RFTN1: variants seen among roughly 807,000 people sequenced by gnomAD.
RFTN1 encodes raftlin, lipid raft linker 1.
Under a neutral mutation model 46.5 loss-of-function variants are expected in RFTN1, and 26 were observed. The ratio of observed to expected loss-of-function variants is 0.56; its 90% CI spans 0.41 to 0.78. RFTN1 has a LOEUF of 0.78. Ranked by LOEUF, RFTN1 falls within the 30% of genes least tolerant of loss-of-function variation. The pLI is 0.00. For synonymous variants in RFTN1, 261 were observed against 284.2 expected (o/e 0.92, Z 0.82); for missense variants, 693 against 718.7 (o/e 0.96, Z 0.41).
intron 2 of RFTN1, among the ~76,000 whole-genome samples, chr3:16,492,086 A>G (rs965479056): frequency 1.4e-4 from 21 of 152,222 alleles, no homozygotes; most frequent in Non-Finnish European, 2.9e-4. Flanking sequence ...CACAGGGGGA[A>G]GGCATGGTCA....
In RFTN1 at chr3:16,345,837, C is replaced by CGT. The variant is rs1491297712; in HGVS notation, c.1146+12094_1146+12095insAC. On this transcript the variant is annotated intron_variant, in intron 7 of 9. Coordinates refer to ENST00000334133, the MANE Select transcript of RFTN1 (RefSeq NM_015150.2). This position sits in a 1 kb window ranked among gnomAD's most constrained non-coding sequence, Gnocchi z 5.2. The stretch of plus-strand genomic sequence containing the variant: ...GTGTGTGCGCGCGCGCGTGCGCGCA[C>CGT]GCGCACATGTGCATGTGTATGTGTA... Among the ~76,000 whole-genome samples the CGT allele has an allele frequency of 3.7e-4, 11 of 29,706 alleles. 1 individual carries two copies. The highest frequency in any genetic ancestry group is 5.8e-4 in the African/African-American group (3 of 5,202). The allele number at this position is 29,706 out of a possible 152,430, so 19.5% of individuals were successfully genotyped here. A position where few individuals can be genotyped will look rare whatever the true frequency, so the allele number is the denominator to read the frequency against.
chr3:16,510,055 T>A (rs1040905772), intron 1 of RFTN1, among the ~76,000 whole-genome samples: 12 of 152,020 alleles, frequency 7.9e-5, no homozygotes, highest in Non-Finnish European at 1.8e-4. Flanking sequence ...GGGACTAAGT[T>A]ATTAGGGGAC....
intron 2 of RFTN1, among the ~76,000 whole-genome samples, chr3:16,435,136 T>C (rs915386369): frequency 1.3e-5 from 2 of 152,254 alleles, no homozygotes; most frequent in Non-Finnish European, 2.9e-5. Flanking sequence ...ATCAGTATTA[T>C]CTTTTTGTGT....
At position 16,488,100 on chromosome 3, in the gene RFTN1, CTTT is replaced by C. The variant is rs11328637; in HGVS notation, c.145+5622_145+5624del. ...TCAACAGTGTTAACTGTGATCCTGA[CTTT>C]TTTTTTTTTTTTTTTTGAGACGGAG... On this transcript the variant is annotated intron_variant, in intron 2 of 9. Coordinates refer to ENST00000334133, the MANE Select transcript of RFTN1 (RefSeq NM_015150.2). 5.8e-3 allele frequency among the ~76,000 whole-genome samples: 725 copies of C among 125,708 alleles called. 5 individuals are homozygous for C. The highest frequency in any genetic ancestry group is 0.018 in the African/African-American group (612 of 34,860). 82.5% of individuals were successfully genotyped at this position (125,708 alleles called of 152,430 possible). A position where few individuals can be genotyped will look rare whatever the true frequency, so the allele number is the denominator to read the frequency against.
rs543773091 is a variant in RFTN1 at position 16,387,245 on chromosome 3, C to A, written c.442-9143G>T. ...CACAAGGAGGAGGGCTCAAGGTCTC[C>A]CGCCAAGGCTGAGGCCACACGGCCA... On this transcript the variant is annotated intron_variant, in intron 4 of 9. Coordinates refer to ENST00000334133, the MANE Select transcript of RFTN1 (RefSeq NM_015150.2). The surrounding 1 kb of genome is among the most constrained non-coding windows in gnomAD (Gnocchi z 5.2). Among the ~76,000 whole-genome samples the A allele has an allele frequency of 2.4e-4, 36 of 152,234 alleles. No homozygotes were observed. Among genetic ancestry groups the A allele is most frequent in the South Asian group, 6.2e-4 (3 of 4,836 alleles).
At chr3:16,456,410 A>C (rs901619543) in intron 2 of RFTN1, among the ~76,000 whole-genome samples, 2 of 152,210 alleles carry the variant, frequency 1.3e-5, no homozygotes, top group Non-Finnish European at 1.5e-5. Context: ...AGATGAGAGG[A>C]AACTCAAGGA....
chr3:16,414,407 G>A (rs1307119897), intron 3 of RFTN1, among the ~76,000 whole-genome samples: 5 of 151,912 alleles, frequency 3.3e-5, no homozygotes, highest in Non-Finnish European at 7.4e-5. Flanking sequence ...AGGGGTTCGA[G>A]ACCAGCCTGG....
rs1240461915 is a variant in RFTN1, at chr3:16,442,507, T to C, written c.146-8470A>G. On this transcript the variant is annotated intron_variant, in intron 2 of 9. Coordinates refer to ENST00000334133, the MANE Select transcript of RFTN1 (RefSeq NM_015150.2). This position sits in a 1 kb window ranked among gnomAD's most constrained non-coding sequence, Gnocchi z 4.1. ...ACAACATGATGCCTCAATGTATATA[T>C]ACTTAGTTCAAATGATTACTACAGT... Among the ~76,000 whole-genome samples, 3 of 152,316 alleles carry C rather than the reference T, an allele frequency of 2.0e-5. No homozygotes were observed. The highest frequency in any genetic ancestry group is 4.1e-4 in the South Asian group (2 of 4,830).
At chr3:16,482,705 G>A (rs2076387486) in intron 2 of RFTN1, 1 of 1,393,762 alleles carries the variant, frequency 7.2e-7, no homozygotes, top group Non-Finnish European at 9.8e-7. Flanking sequence ...CACATTAGCT[G>A]TTATTACTGT....
At position 16,387,853 on chromosome 3, in the gene RFTN1, T is replaced by TC. The variant is rs888787272; in HGVS notation, c.442-9752dup. ...AGGCTTTTTAGCCCTCACCACCCCA[T>TC]CCTCTCTGGTAGCTCATGCATTCCC... is the stretch of plus-strand genomic sequence containing the variant. On this transcript the variant is annotated intron_variant, in intron 4 of 9. Coordinates refer to ENST00000334133, the MANE Select transcript of RFTN1 (RefSeq NM_015150.2). This position sits in a 1 kb window ranked among gnomAD's most constrained non-coding sequence, Gnocchi z 5.2. Among the ~76,000 whole-genome samples the TC allele has an allele frequency of 6.6e-6, 1 of 151,738 alleles. No individual in the cohort carries two copies. The highest frequency in any genetic ancestry group is 1.5e-5 in the Non-Finnish European group (1 of 67,944).
chr3:16,399,200 AATT>A (rs889184501), intron 4 of RFTN1, among the ~76,000 whole-genome samples: 1 of 152,234 alleles, frequency 6.6e-6, no homozygotes, highest in South Asian at 2.1e-4. Context: ...CTCAATAAAA[AATT>A]ATATTAAGGA....
intron 2 of RFTN1, among the ~76,000 whole-genome samples, chr3:16,461,286 C>A (rs576813691): frequency 2.0e-5 from 3 of 152,156 alleles, no homozygotes; most frequent in Non-Finnish European, 2.9e-5. Context: ...AGGAGCTGAT[C>A]TCCTCAAATA....
intron 1 of RFTN1, among the ~76,000 whole-genome samples, chr3:16,508,750 A>G (rs901658249): frequency 6.6e-6 from 1 of 152,082 alleles, no homozygotes; most frequent in Non-Finnish European, 1.5e-5. Flanking sequence ...CACAAAAGCA[A>G]CATCTGGCTA....
rs1459129410 is a variant in RFTN1 at position 16,410,225 on chromosome 3, ACACACACACACACACACAC to A, written c.333-761_333-743del. Among the ~76,000 whole-genome samples the A allele has an allele frequency of 4.4e-4, 33 of 75,202 alleles. No homozygotes were observed. The East Asian group carries it at 4.6e-3, about 11-fold the overall frequency. 49.3% of individuals were successfully genotyped at this position (75,202 alleles called of 152,430 possible). ...GCTTACATGTTATACACACACACAC[ACACACACACACACACACAC>A]ACACACACACACACAAACTCTCACT... On this transcript the variant is annotated intron_variant, in intron 3 of 9. Transcript: ENST00000334133. This position sits in a 1 kb window ranked among gnomAD's most constrained non-coding sequence, Gnocchi z 4.6.
intron 4 of RFTN1, among the ~76,000 whole-genome samples, chr3:16,403,223 C>G (rs927553855): frequency 1.3e-5 from 2 of 152,124 alleles, no homozygotes; most frequent in African/African-American, 2.4e-5. Context: ...CAGAAAGGGA[C>G]AAGCTATACA....
intron 6 of RFTN1, among the ~76,000 whole-genome samples, chr3:16,367,358 A>T (rs554839229): frequency 1.3e-5 from 2 of 152,156 alleles, no homozygotes; most frequent in Non-Finnish European, 2.9e-5. Flanking sequence ...GGACTTTTCC[A>T]GAGCAGAAAC....
intron 2 of RFTN1, among the ~76,000 whole-genome samples, chr3:16,439,348 C>T (rs902031316): frequency 6.6e-6 from 1 of 152,182 alleles, no homozygotes; most frequent in African/African-American, 2.4e-5. Flanking sequence ...GTTTCTCACC[C>T]TACTTATCAG....
Position 16,374,445 on chromosome 3 carries a change from G to A in RFTN1, c.826+3273C>T, listed in dbSNP as rs1223641755. ...GGTCCAACTATCCCAAGGGAGTTGG[G>A]AGGGAAGGAGCCCTCACATCAGGAA... is the stretch of plus-strand genomic sequence containing the variant. On this transcript the variant is annotated intron_variant, in intron 5 of 9. Coordinates refer to ENST00000334133, the MANE Select transcript of RFTN1 (RefSeq NM_015150.2). The surrounding 1 kb of genome is among the most constrained non-coding windows in gnomAD (Gnocchi z 5.4). Among the ~76,000 whole-genome samples, 3 of 152,174 alleles carry A rather than the reference G, an allele frequency of 2.0e-5. No homozygotes were observed. The highest frequency in any genetic ancestry group is 7.2e-5 in the African/African-American group (3 of 41,432).
rs139883248 is a variant in RFTN1 at position 16,331,950 on chromosome 3, C to G, written c.1147-5074G>C. On this transcript the variant is annotated intron_variant, in intron 7 of 9. Coordinates refer to ENST00000334133, the MANE Select transcript of RFTN1 (RefSeq NM_015150.2). Reference sequence around the variant, plus strand: ...ATTTTGAAAGTACCTCTAGTAGTTTCTAGATGTCAGCAATGCTATTGAGAT... The same window carrying G: ...ATTTTGAAAGTACCTCTAGTAGTTTGTAGATGTCAGCAATGCTATTGAGAT... Among the ~76,000 whole-genome samples, 56 of 152,290 alleles carry G rather than the reference C, an allele frequency of 3.7e-4. 1 individual carries two copies. Among genetic ancestry groups the G allele is most frequent in the African/African-American group, 1.2e-3 (50 of 41,564 alleles).
Sources: gnomAD v4.1 joint callset for allele counts (sites outside exome capture counted in the v4.1 genomes callset) on GRCh38, gnomAD v4.1.1 for gene constraint, Gnocchi (gnomAD v3.1) non-coding constraint, MANE v1.5 for transcripts, NCBI Gene and HGNC (gene_info 2026-07-23, HGNC 2026-07-21) for gene names.